The following COL9A1 variants were observed in gnomAD, a reference collection of about 807,000 sequenced individuals.
COL9A1 encodes collagen alpha-1(IX) chain.
COL9A1 carries 104 observed loss-of-function variants against 142.6 expected under a neutral mutation model. The observed-to-expected ratio is 0.73, with a 90% CI of 0.62 to 0.86. The LOEUF is 0.86. Ranked by LOEUF, COL9A1 falls within the 40% of genes least tolerant of loss-of-function variation. The probability of loss-of-function intolerance (pLI) is 0.00; values close to 1 mark genes in which losing one functional copy is unlikely to be tolerated. For missense variants in COL9A1, 1,210 were observed against 1,176.6 expected, an observed-to-expected ratio of 1.03 and a Z score of -0.42; for synonymous variants, 466 against 396.0, an observed-to-expected ratio of 1.18 and a Z score of -2.10.
In COL9A1 at chr6:70,232,862, T is replaced by TA. The variant is rs1040487573; in HGVS notation, c.2315-92dup. Reference sequence around the variant, plus strand: ...GAGGTATTCCAAATGCCTTTTTTTCTAAATGTGTCACCAGATCTTCAAAAT... The same window carrying TA: ...GAGGTATTCCAAATGCCTTTTTTTCTAAAATGTGTCACCAGATCTTCAAAAT... On this transcript the variant is annotated intron_variant, in intron 35 of 37. Coordinates refer to ENST00000357250, the MANE Select transcript of COL9A1 (RefSeq NM_001851.6). 47 of 1,254,682 alleles carry TA rather than the reference T, an allele frequency of 3.7e-5. No homozygotes were observed. The African/African-American group carries it at 5.2e-4, about 14-fold the overall frequency. 77.7% of individuals were successfully genotyped at this position (1,254,682 alleles called of 1,614,324 possible).
At chr6:70,248,970 T>A (rs1770762854) in intron 28 of COL9A1, among the ~76,000 whole-genome samples, 2 of 152,120 alleles carry the variant, frequency 1.3e-5, no homozygotes, top group Admixed American at 6.6e-5. Context: ...GCTTATGGAA[T>A]GTTGAGCCAG....
At position 70,242,678 on chromosome 6, in the gene COL9A1, CCTGGGGATCCCA is replaced by C; in HGVS notation, c.1898_1909del (p.Val633_Pro636del). ...TCTACTTACCAGTTTACCTGGTAGG[CCTGGGGATCCCA>C]CTGGTCCTAATTCTCCTCTACTGCC... On this transcript the variant is annotated inframe_deletion, in exon 29 of 38. Transcript: ENST00000357250. The C allele has an allele frequency of 6.2e-7, 1 of 1,614,146 alleles. No individual in the cohort carries two copies. Among genetic ancestry groups the C allele is most frequent in the Non-Finnish European group, 8.5e-7 (1 of 1,179,980 alleles).
At chr6:70,244,964 G>A (rs1256764947) in intron 28 of COL9A1, among the ~76,000 whole-genome samples, 2 of 152,208 alleles carry the variant, frequency 1.3e-5, no homozygotes, top group Non-Finnish European at 2.9e-5. Context: ...ATGTAGCACG[G>A]AGAGAAGGAT....
chr6:70,281,251 A>G, intron 8 of COL9A1, 139 bp downstream of exon 8: 1 of 890,120 alleles, frequency 1.1e-6, no homozygotes, highest in Non-Finnish European at 1.7e-6. Context: ...CCCATGTCTG[A>G]TCCTGCCTTT....
At chr6:70,215,972 G>A (rs1768478340), downstream of COL9A1, 1 of 150,392 alleles carries the variant, frequency 6.6e-6, no homozygotes, top group Non-Finnish European at 1.5e-5. Context: ...ACCCTCTGTG[G>A]AACAGCTTTT....
chr6:70,293,647 AC>A (rs1562330868), intron 5 of COL9A1, among the ~76,000 whole-genome samples: 1 of 148,456 alleles, frequency 6.7e-6, no homozygotes, highest in Non-Finnish European at 1.5e-5. Flanking sequence ...ACACACACAC[AC>A]ACACACACAC....
intron 4 of COL9A1, 78 bp from the exon 5 acceptor site, chr6:70,294,641 C>G: frequency 2.9e-6 from 4 of 1,398,298 alleles, no homozygotes; most frequent in Non-Finnish European, 4.1e-6. Flanking sequence ...CCTTTTGAGG[C>G]CATTTTAGAT....
chr6:70,294,394 A>G lies in COL9A1; in HGVS notation c.469T>C (p.Tyr157His). 6.2e-7 allele frequency: 1 copy of G among 1,614,118 alleles called. No homozygotes were observed. The highest frequency in any genetic ancestry group is 8.5e-7 in the Non-Finnish European group (1 of 1,179,976). ...TGGAGACTTCCATCCAGTCCCTTGT[A>G]TGAAAATACAACAGATTGTGTTTGG... ...NGQTQSVVFS[Y>H]KGLDGSLQTA... Residue 157 changes from tyrosine to histidine, a missense_variant, in exon 5 of 38, where the codon TAC becomes CAC. Coordinates refer to ENST00000357250, the MANE Select transcript of COL9A1 (RefSeq NM_001851.6).
At chr6:70,287,111 T>C (rs1773482716) in intron 5 of COL9A1, among the ~76,000 whole-genome samples, 1 of 151,998 alleles carries the variant, frequency 6.6e-6, no homozygotes, top group Non-Finnish European at 1.5e-5. Context: ...TGCATGCACA[T>C]ATATGGGTGG....
chr6:70,281,630 G>T (rs1489493942), intron 7 of COL9A1, among the ~76,000 whole-genome samples, 166 bp from the exon 8 acceptor site: 1 of 152,148 alleles, frequency 6.6e-6, no homozygotes, highest in Non-Finnish European at 1.5e-5. Context: ...AGCAAGCGCA[G>T]CTTTGGTCTC....
At chr6:70,294,877 A>G (rs1773794860) in intron 4 of COL9A1, among the ~76,000 whole-genome samples, 1 of 152,190 alleles carries the variant, frequency 6.6e-6, no homozygotes, top group Admixed American at 6.5e-5. Flanking sequence ...CTGTTCAGCA[A>G]TTTCATCTCA....
intron 5 of COL9A1, among the ~76,000 whole-genome samples, chr6:70,292,297 G>T (rs1583344761): frequency 6.6e-6 from 1 of 152,150 alleles, no homozygotes; most frequent in African/African-American, 2.4e-5. Flanking sequence ...AAGGGAGTCA[G>T]AATTCAGTCT....
At chr6:70,225,459 C>A (rs1421282431) in intron 37 of COL9A1, among the ~76,000 whole-genome samples, 1 of 147,480 alleles carries the variant, frequency 6.8e-6, no homozygotes, top group Non-Finnish European at 1.5e-5. Flanking sequence ...TTCTTTCTTT[C>A]TTTTTGGATG....
In COL9A1 at chr6:70,286,707, A is replaced by G. The variant is rs141899371; in HGVS notation, c.697-2887T>C. On this transcript the variant is annotated intron_variant, in intron 5 of 37. Coordinates refer to ENST00000357250, the MANE Select transcript of COL9A1 (RefSeq NM_001851.6). ...TCCAAGTGAAGCTTCCTGATTACTGAGCAGGAGGCTCTGAGCTGCCTCAAA... is the reference window on the plus strand; with the variant it reads ...TCCAAGTGAAGCTTCCTGATTACTGGGCAGGAGGCTCTGAGCTGCCTCAAA... Among the ~76,000 whole-genome samples the G allele has an allele frequency of 2.0e-3, 311 of 152,324 alleles. 2 individuals carry two copies. The highest frequency in any genetic ancestry group is 7.3e-3 in the African/African-American group (304 of 41,578).
chr6:70,241,294 C>T (rs1222488064), intron 31 of COL9A1, 125 bp downstream of exon 31: 4 of 809,260 alleles, frequency 4.9e-6, no homozygotes, highest in Non-Finnish European at 6.6e-6. Context: ...TCACTATGAA[C>T]ACATTGAGAA....
chr6:70,234,174 C>G (rs903459008), intron 35 of COL9A1, among the ~76,000 whole-genome samples: 2 of 151,878 alleles, frequency 1.3e-5, no homozygotes, highest in Non-Finnish European at 2.9e-5. Flanking sequence ...TAGGTACACA[C>G]TAAGTGGTAG....
chr6:70,292,810 C>G (rs1343592994), intron 5 of COL9A1, among the ~76,000 whole-genome samples: 4 of 152,164 alleles, frequency 2.6e-5, no homozygotes, highest in Non-Finnish European at 5.9e-5. Flanking sequence ...TTTCCAGTGT[C>G]ATTGCAAAGA....
At position 70,294,299 on chromosome 6, in the gene COL9A1, C is replaced by G. The variant is rs1227141159; in HGVS notation, c.564G>C (p.Glu188Asp). ...CAACAAAAAGAGTAGCACTACTCCT[C>G]TCCACGCCAATCATGATCTTATGCC... ...SQWHKIMIGV[E>D]RSSATLFVDC... The change falls in exon 5 of 38, where the codon GAG becomes GAC. Residue 188 changes from glutamate to aspartate, a missense_variant. Physicochemically the swap from Glu to Asp is conservative, Grantham distance 45. Transcript: ENST00000357250. 6.2e-7 allele frequency: 1 copy of G among 1,614,064 alleles called. No individual in the cohort carries two copies. The highest frequency in any genetic ancestry group is 1.7e-5 in the Admixed American group (1 of 60,008).
chr6:70,234,810 C>A lies in COL9A1; in HGVS notation c.2243G>T (p.Gly748Val), dbSNP rs368781924. Residue 748 changes from glycine (G) to valine (V), a missense_variant, in exon 34 of 38, where the codon GGT becomes GTT. By Grantham distance (109) the Gly-to-Val change is moderately radical. Transcript: ENST00000357250. ...QGEQGATGLP[G>V]VQGPPGRAPT... The stretch of plus-strand genomic sequence containing the variant: ...ACCACTCACCGGAGGGCCCTGGACA[C>A]CAGGCAGGCCGGTGGCACCCTGTTC... 1.2e-6 allele frequency: 2 copies of A among 1,614,014 alleles called. No homozygotes were observed. Among genetic ancestry groups the A allele is most frequent in the Non-Finnish European group, 1.7e-6 (2 of 1,180,024 alleles).
Sources: gnomAD v4.1 joint callset for allele counts (sites outside exome capture counted in the v4.1 genomes callset) on GRCh38, gnomAD v4.1.1 for gene constraint, MANE v1.5 for transcripts, NCBI Gene and HGNC (gene_info 2026-07-23, HGNC 2026-07-21) for gene names.